Variants in ZNF423 observed in about 807,000 individuals in gnomAD.
ZNF423 encodes Ebf-associated zinc finger protein.
Under a neutral mutation model 95.8 loss-of-function variants are expected in ZNF423, and 12 were observed. The observed-to-expected ratio is 0.13, with a 90% confidence interval of 0.08 to 0.20. The LOEUF is 0.20. Ranked by LOEUF, ZNF423 falls within the 10% of genes least tolerant of loss-of-function variation. ZNF423 has a pLI of 1.00. For synonymous variants in ZNF423, 749 were observed against 711.9 expected, an observed-to-expected ratio of 1.05 and a Z score of -0.83; for missense variants, 1,316 against 1,737.1, an observed-to-expected ratio of 0.76 and a Z score of 4.31.
intron 5 of ZNF423, among the ~76,000 whole-genome samples, chr16:49,550,467 C>T (rs1969594294): frequency 6.6e-6 from 1 of 152,282 alleles, no homozygotes; most frequent in Non-Finnish European, 1.5e-5. Context: ...TCAATTCCCT[C>T]ATTTTACAGA....
rs577497489 is a variant in ZNF423 at position 49,716,147 on chromosome 16, C to T, written c.301+14624G>A. ...GCAGTTGAGGAGAAAAGGCTGGGTA[C>T]AGGCTGGGTGCCCACAGGCAGATGC... On this transcript the variant is annotated intron_variant, in intron 3 of 7. Coordinates refer to ENST00000563137, the MANE Select transcript of ZNF423 (RefSeq NM_001379286.1). Among the ~76,000 whole-genome samples the T allele has an allele frequency of 7.6e-4, 115 of 152,220 alleles. 5 individuals are homozygous for T. In the South Asian group the frequency reaches 0.023, roughly 30 times the overall value.
chr16:49,525,713 T>C (rs1184821886), intron 5 of ZNF423, among the ~76,000 whole-genome samples: 1 of 152,104 alleles, frequency 6.6e-6, no homozygotes, highest in Admixed American at 6.5e-5. Context: ...ATGTGGCCCT[T>C]GGAGGTGCCA....
intron 3 of ZNF423, among the ~76,000 whole-genome samples, chr16:49,726,861 A>C (rs1478338440): frequency 4.0e-5 from 1 of 25,154 alleles, no homozygotes; most frequent in Non-Finnish European, 1.3e-4. Context: ...CCTAGCAAAA[A>C]AAAAAAAAAA....
intron 5 of ZNF423, among the ~76,000 whole-genome samples, chr16:49,608,903 C>T (rs750154737): frequency 2.6e-4 from 40 of 152,122 alleles, no homozygotes; most frequent in Admixed American, 3.3e-4. Context: ...AGGCACTCAC[C>T]GCCCGCTCTT....
intron 1 of ZNF423, among the ~76,000 whole-genome samples, chr16:49,835,997 C>T (rs997374965): frequency 6.6e-6 from 1 of 152,156 alleles, no homozygotes; most frequent in Non-Finnish European, 1.5e-5. Flanking sequence ...GAGGACAGGG[C>T]CCTGTTTTGA....
intron 2 of ZNF423, chr16:49,731,275 A>T: frequency 2.0e-6 from 2 of 979,716 alleles, no homozygotes; most frequent in Non-Finnish European, 2.4e-6. Context: ...TTTGTCTCCT[A>T]AAAACCAGAT....
intron 1 of ZNF423, among the ~76,000 whole-genome samples, chr16:49,853,055 A>T: frequency 6.6e-6 from 1 of 152,364 alleles, no homozygotes; most frequent in African/African-American, 2.4e-5. Context: ...ACTACAAATT[A>T]CAGTCAAGCG....
chr16:49,695,272 C>G (rs1252927482), intron 3 of ZNF423, among the ~76,000 whole-genome samples: 1 of 152,162 alleles, frequency 6.6e-6, no homozygotes, highest in Non-Finnish European at 1.5e-5. Context: ...CACCACCATA[C>G]CTGGCTTAAT....
intron 5 of ZNF423, among the ~76,000 whole-genome samples, chr16:49,623,100 G>T (rs1006513702): frequency 6.6e-6 from 1 of 152,126 alleles, no homozygotes; most frequent in South Asian, 2.1e-4. Context: ...GCCACCGGAG[G>T]TCTGGCTCAC....
chr16:49,841,049 C>G, intron 1 of ZNF423, among the ~76,000 whole-genome samples: 1 of 152,244 alleles, frequency 6.6e-6, no homozygotes, highest in East Asian at 1.9e-4. Context: ...GCCTGAACAA[C>G]AAGCTCTTCC....
At chr16:49,848,851 C>T (rs1201129721) in intron 1 of ZNF423, among the ~76,000 whole-genome samples, 1 of 152,100 alleles carries the variant, frequency 6.6e-6, no homozygotes, top group Non-Finnish European at 1.5e-5. Flanking sequence ...GGCAGCACCT[C>T]GCACCGCAGT....
chr16:49,491,255 G>T lies in ZNF423; in HGVS notation c.*20C>A. On this transcript the variant is annotated 3_prime_UTR_variant, in exon 8 of 8. Transcript: ENST00000563137. ...TCTCCGGCAAGCCTTCTGCGGAGAGGTGTCCTGTTGAGCGATCCCTCACTG... is the reference window on the plus strand; with the variant it reads ...TCTCCGGCAAGCCTTCTGCGGAGAGTTGTCCTGTTGAGCGATCCCTCACTG... The T allele has an allele frequency of 1.2e-6, 2 of 1,614,084 alleles. No individual in the cohort carries two copies. The highest frequency in any genetic ancestry group is 1.7e-6 in the Non-Finnish European group (2 of 1,180,018).
intron 1 of ZNF423, among the ~76,000 whole-genome samples, chr16:49,804,520 C>A (rs1028407127): frequency 1.1e-4 from 16 of 152,162 alleles, no homozygotes; most frequent in African/African-American, 3.9e-4. Context: ...GACCTGGGAA[C>A]AGGCCCAGGG....
intron 4 of ZNF423, among the ~76,000 whole-genome samples, chr16:49,634,590 T>C (rs1273495860): frequency 6.6e-6 from 1 of 152,158 alleles, no homozygotes; most frequent in Non-Finnish European, 1.5e-5. Flanking sequence ...AACACCCCTG[T>C]GTCCCAGCCG....
chr16:49,754,647 A>C (rs2033691662), intron 2 of ZNF423, among the ~76,000 whole-genome samples: 1 of 152,230 alleles, frequency 6.6e-6, no homozygotes, highest in Non-Finnish European at 1.5e-5. Context: ...ACAGCGTCTC[A>C]GCAGCCGTAA....
rs901113056 is a variant in ZNF423 at position 49,691,648 on chromosome 16, C to T, written c.301+39123G>A. Among the ~76,000 whole-genome samples, 4 of 152,034 alleles carry T rather than the reference C, an allele frequency of 2.6e-5. No homozygotes were observed. The South Asian group carries it at 6.2e-4, about 24-fold the overall frequency. On this transcript the variant is annotated intron_variant, in intron 3 of 7. Transcript: ENST00000563137. Reference sequence around the variant, plus strand: ...TCAGGAGGCTGAGGCAGGAGAATGGCGTGAACCTGGGAGGCAAAGCTTGCA... The same window carrying T: ...TCAGGAGGCTGAGGCAGGAGAATGGTGTGAACCTGGGAGGCAAAGCTTGCA...
Position 49,523,623 on chromosome 16 carries a change from C to G in ZNF423, c.3849+1G>C. ...GTGGTGCAGCGGATGTGGGCACCCA[C>G]CTGCAGCTCGGTCTGGAAGAAGAAC... On this transcript the variant is annotated splice_donor_variant, in intron 7 of 7. Transcript: ENST00000563137. LOFTEE classifies it high-confidence loss of function. 6.2e-7 allele frequency: 1 copy of G among 1,613,580 alleles called. No homozygotes were observed. Among genetic ancestry groups the G allele is most frequent in the African/African-American group, 1.3e-5 (1 of 75,058 alleles).
At chr16:49,716,740 C>T (rs2032719142) in intron 3 of ZNF423, among the ~76,000 whole-genome samples, 1 of 152,146 alleles carries the variant, frequency 6.6e-6, no homozygotes, top group East Asian at 1.9e-4. Context: ...AGAAGCAGTT[C>T]CTCCTGATCG....
At chr16:49,803,418 T>A (rs1476788339) in intron 1 of ZNF423, among the ~76,000 whole-genome samples, 1 of 152,138 alleles carries the variant, frequency 6.6e-6, no homozygotes, top group East Asian at 1.9e-4. Flanking sequence ...GCAACACATG[T>A]ATGGTCACAA....
Sources: gnomAD v4.1 joint callset for allele counts (sites outside exome capture counted in the v4.1 genomes callset) on GRCh38, gnomAD v4.1.1 for gene constraint, MANE v1.5 for transcripts, NCBI Gene and HGNC (gene_info 2026-07-23, HGNC 2026-07-21) for gene names.